The following EYA1 variants were observed in gnomAD, a reference collection of about 807,000 sequenced individuals.
The protein encoded by EYA1 is EYA transcriptional coactivator and phosphatase 1.
Under a neutral mutation model 82.0 loss-of-function variants are expected in EYA1, and 16 were observed. The observed-to-expected ratio is 0.20, with a 90% CI of 0.13 to 0.30. EYA1 has a LOEUF of 0.30. Among genes scored for constraint, EYA1 ranks in the 10% least tolerant of loss-of-function variants. The probability of loss-of-function intolerance (pLI) is 1.00; values close to 1 mark genes in which losing one functional copy is unlikely to be tolerated. For missense variants in EYA1, 633 were observed against 730.7 expected (o/e 0.87, Z 1.54); for synonymous variants, 261 against 264.4 (o/e 0.99, Z 0.12).
intron 12 of EYA1, 30 bp from the exon 13 acceptor site, chr8:71,217,053 A>G (rs749194888): frequency 6.5e-7 from 1 of 1,548,050 alleles, no homozygotes; most frequent in Non-Finnish European, 8.9e-7. Context: ...ATACATGTCA[A>G]TTTTTTAAGA....
chr8:71,352,389 G>A (rs890808173), intron 3 of EYA1, among the ~76,000 whole-genome samples: 7 of 152,142 alleles, frequency 4.6e-5, no homozygotes, highest in African/African-American at 1.2e-4. Flanking sequence ...ATGTAACACC[G>A]ATCGTGAGGG....
intron 2 of EYA1, among the ~76,000 whole-genome samples, chr8:71,430,706 T>A (rs1396022163): frequency 6.6e-6 from 1 of 152,072 alleles, no homozygotes; most frequent in African/African-American, 2.4e-5. Flanking sequence ...CTGAAACCAA[T>A]GGGGGTGGGT....
Position 71,317,602 on chromosome 8 carries a change from C to A in EYA1, c.506G>T (p.Ser169Ile). 1 of 1,614,148 alleles carries A rather than the reference C, an allele frequency of 6.2e-7. No individual in the cohort carries two copies. Reference protein sequence around the residue: ...GQTGFLSYGTSFSTPQPGQAP... With the variant: ...GQTGFLSYGTIFSTPQPGQAP... ...CTGTCCAGGTTGAGGGGTACTGAAG[C>A]TTGTGCCATAGCTGAGAAATCCTGT... Residue 169 changes from serine to isoleucine, a missense_variant, in exon 7 of 18, where the codon AGC (serine) becomes ATC (isoleucine). By Grantham distance (142) the Ser-to-Ile change is moderately radical. Coordinates refer to ENST00000340726, the MANE Select transcript of EYA1 (RefSeq NM_000503.6).
intron 17 of EYA1, among the ~76,000 whole-genome samples, chr8:71,205,228 CAA>C (rs776953991): frequency 4.2e-4 from 64 of 152,184 alleles, no homozygotes; most frequent in Non-Finnish European, 8.5e-4. Flanking sequence ...TTGCCATAAA[CAA>C]GAGATTTATT....
chr8:71,454,731 G>T (rs1807730153), intron 2 of EYA1, among the ~76,000 whole-genome samples: 1 of 152,190 alleles, frequency 6.6e-6, no homozygotes, highest in Non-Finnish European at 1.5e-5. Flanking sequence ...TGAGAACAAA[G>T]ACACAACATA....
At chr8:71,351,203 T>A (rs1047345608) in intron 3 of EYA1, among the ~76,000 whole-genome samples, 2 of 152,204 alleles carry the variant, frequency 1.3e-5, no homozygotes, top group Non-Finnish European at 2.9e-5. Flanking sequence ...AGACAAGTTT[T>A]TCAGACTAAC....
At chr8:71,403,183 A>T (rs1382580272) in intron 2 of EYA1, among the ~76,000 whole-genome samples, 1 of 152,240 alleles carries the variant, frequency 6.6e-6, no homozygotes, top group African/African-American at 2.4e-5. Flanking sequence ...CTGTGTTCAC[A>T]ATCGTAAGCA....
chr8:71,518,043 A>T (rs759115620), intron 2 of EYA1, among the ~76,000 whole-genome samples: 145 of 151,618 alleles, frequency 9.6e-4, no homozygotes, highest in Middle Eastern at 3.4e-3. Context: ...ACATATAATA[A>T]AATCTACAAA....
At chr8:71,279,139 T>C (rs1021485269) in intron 9 of EYA1, among the ~76,000 whole-genome samples, 7 of 152,212 alleles carry the variant, frequency 4.6e-5, no homozygotes, top group African/African-American at 1.7e-4. Flanking sequence ...CTTAGAAAGA[T>C]TATCTGAATT....
chr8:71,248,901 A>G (rs1399504148), intron 11 of EYA1, among the ~76,000 whole-genome samples: 3 of 152,230 alleles, frequency 2.0e-5, no homozygotes, highest in Non-Finnish European at 1.5e-5. Context: ...ACACGTTCTT[A>G]AACCAAAACT....
chr8:71,435,774 C>T (rs187214211), intron 2 of EYA1, among the ~76,000 whole-genome samples: 1 of 152,226 alleles, frequency 6.6e-6, no homozygotes, highest in East Asian at 1.9e-4. Flanking sequence ...AGAAAATGTC[C>T]TGATTCAGAG....
At chr8:71,350,211 T>C (rs549923449) in intron 3 of EYA1, among the ~76,000 whole-genome samples, 3 of 152,296 alleles carry the variant, frequency 2.0e-5, no homozygotes, top group African/African-American at 7.2e-5. Flanking sequence ...GCCTATAAAA[T>C]ACAGCCTCAA....
chr8:71,312,411 T>A (rs1586308186), intron 7 of EYA1, among the ~76,000 whole-genome samples: 1 of 152,208 alleles, frequency 6.6e-6, no homozygotes, highest in African/African-American at 2.4e-5. Context: ...ATTTTATGCA[T>A]TCTTTAGCAT....
At chr8:71,373,059 T>C (rs1828175661) in intron 2 of EYA1, among the ~76,000 whole-genome samples, 1 of 152,092 alleles carries the variant, frequency 6.6e-6, no homozygotes, top group Non-Finnish European at 1.5e-5. Context: ...GCTTTTCCTC[T>C]AAGATCTGGT....
intron 2 of EYA1, 37 bp downstream of exon 2, chr8:71,356,424 TA>T: frequency 6.5e-7 from 1 of 1,540,678 alleles, no homozygotes; most frequent in Non-Finnish European, 8.8e-7. Flanking sequence ...CACAGAAAGG[TA>T]ATCTCCAAAA....
chr8:71,250,938 A>G (rs1178329341), intron 11 of EYA1, among the ~76,000 whole-genome samples: 1 of 152,354 alleles, frequency 6.6e-6, no homozygotes, highest in East Asian at 1.9e-4. Context: ...CAGTGAAAAA[A>G]CAATTCCTAA....
intron 7 of EYA1, among the ~76,000 whole-genome samples, chr8:71,310,019 C>T (rs1821161768): frequency 6.6e-6 from 1 of 152,164 alleles, no homozygotes; most frequent in Non-Finnish European, 1.5e-5. Flanking sequence ...ACATGTACAT[C>T]TGTGCAGCCC....
intron 11 of EYA1, among the ~76,000 whole-genome samples, chr8:71,254,175 T>G (rs1479103383): frequency 7.1e-6 from 1 of 141,374 alleles, no homozygotes; most frequent in Non-Finnish European, 1.5e-5. Flanking sequence ...CTTCTCCAAC[T>G]GGAGTACTGA....
intron 3 of EYA1, among the ~76,000 whole-genome samples, chr8:71,346,455 T>TATAA (rs1491578629): frequency 7.4e-6 from 1 of 134,784 alleles, no homozygotes; most frequent in African/African-American, 3.0e-5. Flanking sequence ...TATATATATA[T>TATAA]CTATATATAT....
Sources: allele counts gnomAD v4.1 joint callset (sites outside exome capture counted in the v4.1 genomes callset), GRCh38; gene constraint gnomAD v4.1.1; transcripts MANE v1.5; gene names NCBI Gene and HGNC (gene_info 2026-07-23, HGNC 2026-07-21).